Variants in SGCD observed in about 807,000 individuals in gnomAD.
SGCD encodes delta-sarcoglycan.
SGCD carries 18 observed loss-of-function variants against 36.6 expected under a neutral mutation model. The ratio of observed to expected loss-of-function variants is 0.49; its 90% CI spans 0.34 to 0.73. SGCD has a LOEUF of 0.73. SGCD is among the 30% of genes least tolerant of loss of function. The probability of loss-of-function intolerance (pLI) is 0.01; values close to 1 mark genes in which losing one functional copy is unlikely to be tolerated. For missense variants in SGCD, 387 were observed against 346.7 expected (o/e 1.12, Z -0.92); for synonymous variants, 133 against 130.6 (o/e 1.02, Z -0.12).
chr5:156,305,853 A>G (rs955076735), intron 3 of SGCD, among the ~76,000 whole-genome samples: 2 of 151,738 alleles, frequency 1.3e-5, no homozygotes, highest in Non-Finnish European at 2.9e-5. Flanking sequence ...AAGGAGAGAG[A>G]TTATTTTGGA....
At chr5:156,119,881 G>T (rs531205907) in intron 2 of SGCD, among the ~76,000 whole-genome samples, 57 of 152,190 alleles carry the variant, frequency 3.7e-4, no homozygotes, top group African/African-American at 1.3e-3. Context: ...ACCACTAATT[G>T]ATACCTTTTG....
chr5:156,496,332 A>C (rs964144947), intron 3 of SGCD, among the ~76,000 whole-genome samples: 1 of 152,078 alleles, frequency 6.6e-6, no homozygotes, highest in Admixed American at 6.6e-5. Flanking sequence ...ATTTCTCAGA[A>C]ACATCCCTTA....
At chr5:155,733,625 G>A in the SGCD span, among the ~76,000 whole-genome samples, 2 of 142,754 alleles carry the variant, frequency 1.4e-5, no homozygotes, top group African/African-American at 5.1e-5. Context: ...TCATTAATAT[G>A]CTGGACACTT....
At chr5:155,773,017 TAGTA>T in the SGCD span, among the ~76,000 whole-genome samples, 2 of 152,248 alleles carry the variant, frequency 1.3e-5, no homozygotes, top group African/African-American at 2.4e-5. Flanking sequence ...CTCTCTACGT[TAGTA>T]AGTATTACTA....
chr5:156,246,085 G>A (rs1765430955), intron 3 of SGCD, among the ~76,000 whole-genome samples: 1 of 152,188 alleles, frequency 6.6e-6, no homozygotes, highest in African/African-American at 2.4e-5. Flanking sequence ...CAAATTTCTA[G>A]CTGTTTATTC....
chr5:155,951,186 G>A (rs1311328201), intron 1 of SGCD, among the ~76,000 whole-genome samples: 2 of 152,054 alleles, frequency 1.3e-5, no homozygotes, highest in African/African-American at 2.4e-5. Flanking sequence ...TCACATCAAA[G>A]TAGCAAGATC....
At chr5:155,979,174 C>T (rs548346720) in intron 1 of SGCD, among the ~76,000 whole-genome samples, 6 of 152,288 alleles carry the variant, frequency 3.9e-5, no homozygotes, top group East Asian at 3.9e-4. Flanking sequence ...AGATGGTCCA[C>T]GTTGGATCAT....
intron 3 of SGCD, among the ~76,000 whole-genome samples, chr5:156,487,717 G>A (rs762253508): frequency 5.6e-5 from 8 of 143,568 alleles, no homozygotes; most frequent in Non-Finnish European, 1.2e-4. Flanking sequence ...GAACCCAGGA[G>A]GTGGAAGTTG....
chr5:156,273,143 A>G (rs533751001), intron 3 of SGCD, among the ~76,000 whole-genome samples: 2 of 152,184 alleles, frequency 1.3e-5, no homozygotes, highest in Non-Finnish European at 2.9e-5. Flanking sequence ...GGGGGTGGGC[A>G]TGAGGTACAC....
intron 3 of SGCD, among the ~76,000 whole-genome samples, chr5:156,238,581 G>A (rs746785811): frequency 2.0e-5 from 3 of 152,228 alleles, no homozygotes; most frequent in Non-Finnish European, 2.9e-5. Context: ...TGCTCGAAAT[G>A]TGGGTAGAAA....
intron 3 of SGCD, among the ~76,000 whole-genome samples, chr5:156,423,382 TATAA>T: frequency 1.0e-5 from 1 of 97,292 alleles, no homozygotes; most frequent in African/African-American, 4.4e-5. Context: ...TTTATTATAA[TATAA>T]TATATTATAT....
intron 3 of SGCD, among the ~76,000 whole-genome samples, chr5:156,180,797 G>T (rs1049022090): frequency 1.3e-5 from 2 of 152,014 alleles, no homozygotes; most frequent in African/African-American, 4.8e-5. Context: ...ACATTATTTT[G>T]TAAATGATTC....
intron 3 of SGCD, among the ~76,000 whole-genome samples, chr5:156,149,367 A>C (rs1762779882): frequency 6.6e-6 from 1 of 152,162 alleles, no homozygotes; most frequent in African/African-American, 2.4e-5. Context: ...CTTTCTAACA[A>C]TTTGATTTGT....
rs150169885 is a variant in SGCD, at chr5:155,900,753, A to G, written c.-282+30329A>G. The stretch of plus-strand genomic sequence containing the variant: ...TTTTTCATAGTGATTTTGAAGGAGT[A>G]TATAATCCTTTGAAAATATAAGTAG... On this transcript the variant is annotated intron_variant, in intron 1 of 9. Transcript: ENST00000517913. Among the ~76,000 whole-genome samples the G allele has an allele frequency of 2.4e-3, 362 of 152,260 alleles. 4 individuals are homozygous for G. The highest frequency in any genetic ancestry group is 8.3e-3 in the African/African-American group (346 of 41,552).
chr5:156,357,309 C>A (rs529455410), intron 3 of SGCD, among the ~76,000 whole-genome samples: 1 of 152,290 alleles, frequency 6.6e-6, no homozygotes, highest in Admixed American at 6.5e-5. Flanking sequence ...ACCTGTCCAA[C>A]CTTTTTAGCT....
At chr5:155,881,709 A>G (rs1161972070) in intron 1 of SGCD, among the ~76,000 whole-genome samples, 2 of 152,186 alleles carry the variant, frequency 1.3e-5, no homozygotes, top group Non-Finnish European at 2.9e-5. Flanking sequence ...TACCCACAGT[A>G]AATCTTCTTT....
At chr5:156,177,542 G>A (rs1041371374) in intron 3 of SGCD, among the ~76,000 whole-genome samples, 7 of 152,026 alleles carry the variant, frequency 4.6e-5, no homozygotes, top group South Asian at 2.1e-4. Flanking sequence ...TGTGCATCTC[G>A]GGAGCTGTTT....
At chr5:156,280,255 C>T (rs1766418669) in intron 3 of SGCD, among the ~76,000 whole-genome samples, 1 of 152,186 alleles carries the variant, frequency 6.6e-6, no homozygotes, top group South Asian at 2.1e-4. Flanking sequence ...GCTCATCCAA[C>T]AGATTGGGTT....
chr5:155,982,778 CCG>C (rs888957722), intron 1 of SGCD, among the ~76,000 whole-genome samples: 2 of 152,126 alleles, frequency 1.3e-5, no homozygotes, highest in African/African-American at 4.8e-5. Flanking sequence ...GGGCTGCTTT[CCG>C]GGGGTGAAGC....
Sources: gnomAD v4.1 joint callset for allele counts (sites outside exome capture counted in the v4.1 genomes callset) on GRCh38, gnomAD v4.1.1 for gene constraint, MANE v1.5 for transcripts, NCBI Gene and HGNC (gene_info 2026-07-23, HGNC 2026-07-21) for gene names.